Variants in DRD3 observed in about 807,000 individuals in gnomAD.
The protein encoded by DRD3 is D(3) dopamine receptor.
A neutral mutation model predicts 36.3 loss-of-function variants in DRD3; 19 were observed. The observed-to-expected ratio is 0.52, with a 90% confidence interval of 0.36 to 0.77. DRD3 has a LOEUF of 0.77. Ranked by LOEUF, DRD3 falls within the 30% of genes least tolerant of loss-of-function variation. The pLI, the probability that DRD3 is intolerant of heterozygous loss-of-function variation, is 0.00. For missense variants in DRD3, 465 were observed against 505.3 expected (o/e 0.92, Z 0.77); for synonymous variants, 195 against 203.7 (o/e 0.96, Z 0.36).
intron 1 of DRD3, among the ~76,000 whole-genome samples, chr3:114,184,443 A>G (rs1224075094): frequency 6.6e-6 from 1 of 152,138 alleles, no homozygotes; most frequent in Non-Finnish European, 1.5e-5. Flanking sequence ...TTTTAAATGT[A>G]TTAGTCTCTT....
At chr3:114,193,472 G>A (rs1055580299) in intron 1 of DRD3, among the ~76,000 whole-genome samples, 4 of 152,144 alleles carry the variant, frequency 2.6e-5, no homozygotes, top group Non-Finnish European at 5.9e-5. Flanking sequence ...AATAAATAAG[G>A]GCTGCTCTTC....
chr3:114,182,680 C>T (rs140171145), upstream of DRD3, among the ~76,000 whole-genome samples: 6 of 152,106 alleles, frequency 3.9e-5, no homozygotes, highest in Non-Finnish European at 5.9e-5. Context: ...GGTGCAATCT[C>T]GGCTCCCTGC....
In DRD3 at chr3:114,190,629, G is replaced by A. The variant is rs189712842; in HGVS notation, c.-156+8644C>T. Among the ~76,000 whole-genome samples the A allele has an allele frequency of 2.2e-3, 328 of 150,494 alleles. 3 individuals carry two copies. The highest frequency in any genetic ancestry group is 7.2e-3 in the African/African-American group (295 of 41,030). ...GCTGTTGTTGGCTCTGCCCTGAACA[G>A]CTTAGCAATAGTTATACTAATTTTA... On this transcript the variant is annotated intron_variant, in intron 1 of 7. Coordinates refer to the DRD3 transcript ENST00000460779.
chr3:114,157,018 C>A (rs139823155), intron 3 of DRD3, among the ~76,000 whole-genome samples: 178 of 132,786 alleles, frequency 1.3e-3, no homozygotes, highest in Admixed American at 3.8e-3. Flanking sequence ...CTCTTTCTTT[C>A]TTTCTTTCTT....
At chr3:114,190,825 C>T (rs571606115) in intron 1 of DRD3, among the ~76,000 whole-genome samples, 1 of 151,864 alleles carries the variant, frequency 6.6e-6, no homozygotes, top group Non-Finnish European at 1.5e-5. Context: ...AGGGAGACCC[C>T]AAAGTAGGAT....
At chr3:114,182,973 T>C (rs1419538979), upstream of DRD3, among the ~76,000 whole-genome samples, 1 of 152,230 alleles carries the variant, frequency 6.6e-6, no homozygotes, top group Admixed American at 6.5e-5. Context: ...AGATATCTTT[T>C]TGAGATCCTG....
chr3:114,193,090 T>C (rs1460534943), intron 1 of DRD3, among the ~76,000 whole-genome samples: 1 of 151,846 alleles, frequency 6.6e-6, no homozygotes, highest in Non-Finnish European at 1.5e-5. Context: ...CCATCCTGGC[T>C]AACACGGTGA....
intron 5 of DRD3, among the ~76,000 whole-genome samples, chr3:114,132,362 C>T (rs1378242322): frequency 6.6e-6 from 1 of 151,976 alleles, no homozygotes; most frequent in African/African-American, 2.4e-5. Context: ...ACGGTGAGAA[C>T]ACATGGACAA....
At chr3:114,145,746 G>A (rs879154599) in intron 4 of DRD3, among the ~76,000 whole-genome samples, 3 of 152,042 alleles carry the variant, frequency 2.0e-5, no homozygotes, top group Admixed American at 6.6e-5. Flanking sequence ...GATATACATG[G>A]TTTTATTATA....
chr3:114,147,663 C>T, intron 3 of DRD3, 106 bp from the exon 4 acceptor site: 1 of 1,377,838 alleles, frequency 7.3e-7, no homozygotes. Flanking sequence ...CTCACTCTGT[C>T]ACCCAGGCAG....
intron 5 of DRD3, among the ~76,000 whole-genome samples, chr3:114,134,879 A>G (rs1299477169): frequency 6.6e-6 from 1 of 152,228 alleles, no homozygotes; most frequent in East Asian, 1.9e-4. Context: ...TGTAATGATC[A>G]AATCAGGCTA....
intron 1 of DRD3, among the ~76,000 whole-genome samples, chr3:114,174,875 A>G (rs530609736): frequency 1.4e-3 from 210 of 152,278 alleles, no homozygotes; most frequent in Middle Eastern, 6.8e-3. Flanking sequence ...GAAGAAGCAA[A>G]GAGCCTAGAG....
At chr3:114,133,436 G>T (rs1251808630) in intron 5 of DRD3, among the ~76,000 whole-genome samples, 1 of 151,838 alleles carries the variant, frequency 6.6e-6, no homozygotes, top group Admixed American at 6.6e-5. Flanking sequence ...AATTGATCAC[G>T]ACTGAGGCTG....
In DRD3 at chr3:114,149,703, C is replaced by G. The variant is rs1462600271; in HGVS notation, c.384-2146G>C. Among the ~76,000 whole-genome samples, 5 of 152,212 alleles carry G rather than the reference C, an allele frequency of 3.3e-5. No individual in the cohort carries two copies. The East Asian group carries it at 9.6e-4, about 29-fold the overall frequency. On this transcript the variant is annotated intron_variant, in intron 3 of 6. Coordinates refer to ENST00000383673, the MANE Select transcript of DRD3 (RefSeq NM_000796.6). ...CCCTTAAAGGGGACTGAGAAATTAT[C>G]CTTTTGGCCTTGAAGGAGCAAACTG...
rs866425035 is a variant in DRD3 at position 114,156,460 on chromosome 3, C to G, written c.383+3295G>C. On this transcript the variant is annotated intron_variant, in intron 3 of 6. Coordinates refer to ENST00000383673, the MANE Select transcript of DRD3 (RefSeq NM_000796.6). Reference sequence around the variant, plus strand: ...TATTCAAGAGGTTGGTGTTTACAGACCTTTTGCCGTTTTTTTTTTCAAAAT... The same window carrying G: ...TATTCAAGAGGTTGGTGTTTACAGAGCTTTTGCCGTTTTTTTTTTCAAAAT... Among the ~76,000 whole-genome samples, 6 of 152,002 alleles carry G rather than the reference C, an allele frequency of 3.9e-5. 1 individual carries two copies. Among genetic ancestry groups the G allele is most frequent in the African/African-American group, 1.4e-4 (6 of 41,390 alleles).
chr3:114,179,350 CAT>C (rs1386883917), upstream of DRD3, among the ~76,000 whole-genome samples: 2 of 152,208 alleles, frequency 1.3e-5, no homozygotes, highest in East Asian at 3.9e-4. Context: ...TTAAAGGAAA[CAT>C]ATTACAAAGG....
Position 114,138,601 on chromosome 3 carries a change from C to G in DRD3, c.723+899G>C, listed in dbSNP as rs548150494. On this transcript the variant is annotated intron_variant, in intron 5 of 6. Transcript: ENST00000383673. ...TGACACATGGGAATTGTGGGAGCTA[C>G]AATTCAAGATGAGATTTGGGTGGGG... 2.0e-5 allele frequency among the ~76,000 whole-genome samples: 3 copies of G among 152,258 alleles called. No homozygotes were observed. In the South Asian group the frequency reaches 6.2e-4, roughly 32 times the overall value.
At chr3:114,197,632 A>T (rs982152732) in intron 1 of DRD3, among the ~76,000 whole-genome samples, 1 of 152,184 alleles carries the variant, frequency 6.6e-6, no homozygotes, top group African/African-American at 2.4e-5. Flanking sequence ...ATAGTACAAG[A>T]CATGGGTTGA....
chr3:114,194,708 T>C (rs1463024892), intron 1 of DRD3, among the ~76,000 whole-genome samples: 1 of 152,238 alleles, frequency 6.6e-6, no homozygotes, highest in Non-Finnish European at 1.5e-5. Flanking sequence ...GAACTTGGAC[T>C]TGCTACCCGC....
Sources: gnomAD v4.1 joint callset for allele counts (sites outside exome capture counted in the v4.1 genomes callset) on GRCh38, gnomAD v4.1.1 for gene constraint, MANE v1.5 for transcripts, NCBI Gene and HGNC (gene_info 2026-07-23, HGNC 2026-07-21) for gene names.